Variants in ZSCAN21 observed in about 807,000 individuals in gnomAD.
ZSCAN21 encodes the protein zinc finger and SCAN domain containing 21, also known as zinc finger and SCAN domain-containing protein 21.
Under a neutral mutation model 35.6 loss-of-function variants are expected in ZSCAN21, and 26 were observed. The observed-to-expected ratio is 0.73, with a 90% CI of 0.54 to 1.01. The LOEUF is 1.01. Ranked by LOEUF, ZSCAN21 falls within the 50% of genes least tolerant of loss-of-function variation. ZSCAN21 has a pLI of 0.00. For synonymous variants in ZSCAN21, 219 were observed against 219.3 expected (o/e 1.00, Z 0.01); for missense variants, 593 against 587.1 (o/e 1.01, Z -0.10).
rs1271162396 is a variant in ZSCAN21 at position 100,064,375 on chromosome 7, G to A, written c.1180G>A (p.Gly394Arg). 6.2e-6 allele frequency: 10 copies of A among 1,614,018 alleles called. No individual in the cohort carries two copies. The highest frequency in any genetic ancestry group is 8.5e-6 in the Non-Finnish European group (10 of 1,180,042). ...GEKPYQCNECGKSFSQHAGLS... is the reference protein window; with the variant it reads ...GEKPYQCNECRKSFSQHAGLS... Reference sequence around the variant, plus strand: ...GAAGCCTTATCAGTGTAACGAATGTGGGAAGAGCTTCAGTCAGCATGCGGG... The same window carrying A: ...GAAGCCTTATCAGTGTAACGAATGTAGGAAGAGCTTCAGTCAGCATGCGGG... Residue 394 changes from glycine (G) to arginine (R), a missense_variant, in exon 4 of 4, where the codon GGG becomes AGG. By Grantham distance (125) the Gly-to-Arg change is moderately radical. Coordinates refer to ENST00000292450, the MANE Select transcript of ZSCAN21 (RefSeq NM_145914.3).
intron 1 of ZSCAN21, among the ~76,000 whole-genome samples, chr7:100,055,818 A>G (rs1450509836): frequency 6.8e-6 from 1 of 147,610 alleles, no homozygotes; most frequent in Non-Finnish European, 1.5e-5. Flanking sequence ...TTTTTTTTGT[A>G]TTTTTAGTAG....
At chr7:100,063,115 G>C (rs1792415789) in intron 3 of ZSCAN21, among the ~76,000 whole-genome samples, 1 of 152,150 alleles carries the variant, frequency 6.6e-6, no homozygotes. Context: ...AGCTGGTCTT[G>C]AACTCCCAGA....
At chr7:100,052,822 T>C (rs561139269) in intron 1 of ZSCAN21, among the ~76,000 whole-genome samples, 1 of 152,162 alleles carries the variant, frequency 6.6e-6, no homozygotes, top group Non-Finnish European at 1.5e-5. Context: ...ACATTTGAGT[T>C]GTGTGCACCG....
chr7:100,052,987 G>A (rs1291702798), intron 1 of ZSCAN21, among the ~76,000 whole-genome samples: 1 of 151,780 alleles, frequency 6.6e-6, no homozygotes, highest in Non-Finnish European at 1.5e-5. Flanking sequence ...AAATTAGCCG[G>A]GCATGGCACG....
In ZSCAN21 at chr7:100,064,665, A is replaced by G; in HGVS notation, c.*48A>G. On this transcript the variant is annotated 3_prime_UTR_variant, in exon 4 of 4. Coordinates refer to ENST00000292450, the MANE Select transcript of ZSCAN21 (RefSeq NM_145914.3). ...TCGTTGTTTTAAACTTTAGAATCTG[A>G]AAACCAGAAAGAAGTCTTGTCATTG... 1 of 1,602,638 alleles carries G rather than the reference A, an allele frequency of 6.2e-7. No individual in the cohort carries two copies. The highest frequency in any genetic ancestry group is 1.3e-5 in the African/African-American group (1 of 74,460).
At chr7:100,061,235 C>T (rs1792278810) in intron 3 of ZSCAN21, among the ~76,000 whole-genome samples, 1 of 151,860 alleles carries the variant, frequency 6.6e-6, no homozygotes, top group Non-Finnish European at 1.5e-5. Flanking sequence ...AAAATGTTAA[C>T]TTTTGGCTGG....
intron 3 of ZSCAN21, among the ~76,000 whole-genome samples, chr7:100,060,295 G>A (rs981858589): frequency 2.0e-5 from 3 of 152,112 alleles, no homozygotes; most frequent in African/African-American, 7.2e-5. Flanking sequence ...CAGACATGAT[G>A]GCTCACACCG....
At chr7:100,062,236 G>T (rs1209374796) in intron 3 of ZSCAN21, among the ~76,000 whole-genome samples, 7 of 150,464 alleles carry the variant, frequency 4.7e-5, no homozygotes, top group Non-Finnish European at 2.9e-5. Flanking sequence ...TGGCCCTGCA[G>T]CAGTCATTCT....
At chr7:100,060,641 C>A (rs1449403474) in intron 3 of ZSCAN21, among the ~76,000 whole-genome samples, 1 of 149,972 alleles carries the variant, frequency 6.7e-6, no homozygotes, top group African/African-American at 2.5e-5. Flanking sequence ...CTGAGGCAGG[C>A]GGATCACCTG....
chr7:100,064,988 C>G lies in ZSCAN21; in HGVS notation c.*371C>G. On this transcript the variant is annotated 3_prime_UTR_variant, in exon 4 of 4. Transcript: ENST00000292450. ...GAATTTTAATTTGTAAAGAATTGAG[C>G]CACATTGAACACAATTGAATGAGAT... 1 of 1,553,996 alleles carries G rather than the reference C, an allele frequency of 6.4e-7. No homozygotes were observed. Among genetic ancestry groups the G allele is most frequent in the Non-Finnish European group, 8.8e-7 (1 of 1,134,920 alleles).
chr7:100,051,507 A>C (rs1791879493), intron 1 of ZSCAN21: 1 of 151,562 alleles, frequency 6.6e-6, no homozygotes, highest in Admixed American at 6.6e-5. Flanking sequence ...TGTTAGCCAG[A>C]ATGGTCTCGA....
Position 100,056,970 on chromosome 7 carries a change from G to C in ZSCAN21, c.-37G>C. The C allele has an allele frequency of 6.5e-7, 1 of 1,534,270 alleles. No homozygotes were observed. Among genetic ancestry groups the C allele is most frequent in the East Asian group, 2.3e-5 (1 of 44,068 alleles). On this transcript the variant is annotated 5_prime_UTR_variant, in exon 2 of 4. Transcript: ENST00000292450. ...AAGGAACGAATATTCCTGCCCCACA[G>C]AGTCCCATCTTTGGTGAGGCTGTTT... is the stretch of plus-strand genomic sequence containing the variant.
intron 3 of ZSCAN21, among the ~76,000 whole-genome samples, chr7:100,059,786 C>A (rs965504769): frequency 6.6e-6 from 1 of 151,538 alleles, no homozygotes; most frequent in African/African-American, 2.4e-5. Context: ...ATCGGCTCAC[C>A]GCAACCTCCG....
At chr7:100,053,118 T>C (rs1584369265) in intron 1 of ZSCAN21, among the ~76,000 whole-genome samples, 1 of 137,148 alleles carries the variant, frequency 7.3e-6, no homozygotes, top group African/African-American at 2.8e-5. Flanking sequence ...GGAGTGAGAC[T>C]CCATCTCAAA....
Position 100,059,196 on chromosome 7 carries a change from CAG to C in ZSCAN21, c.592+1309_592+1310del, listed in dbSNP as rs961565045. ...GAAACGTGAAACTCCATCATGGAAA[CAG>C]AGTTTCGAGCCGGTTAAAAATCACA... On this transcript the variant is annotated intron_variant, in intron 3 of 3. Coordinates refer to ENST00000292450, the MANE Select transcript of ZSCAN21 (RefSeq NM_145914.3). Among the ~76,000 whole-genome samples the C allele has an allele frequency of 2.6e-4, 40 of 152,246 alleles. 1 individual carries two copies. The highest frequency in any genetic ancestry group is 9.4e-4 in the African/African-American group (39 of 41,538).
intron 1 of ZSCAN21, among the ~76,000 whole-genome samples, chr7:100,050,757 G>A (rs1791829659): frequency 6.6e-6 from 1 of 152,108 alleles, no homozygotes; most frequent in East Asian, 1.9e-4. Flanking sequence ...GAAATCTAAG[G>A]AACAGTTGAG....
chr7:100,064,674 A>T lies in ZSCAN21; in HGVS notation c.*57A>T. Reference sequence around the variant, plus strand: ...TAAACTTTAGAATCTGAAAACCAGAAAGAAGTCTTGTCATTGCAGCAGCAT... The same window carrying T: ...TAAACTTTAGAATCTGAAAACCAGATAGAAGTCTTGTCATTGCAGCAGCAT... On this transcript the variant is annotated 3_prime_UTR_variant, in exon 4 of 4. Coordinates refer to ENST00000292450, the MANE Select transcript of ZSCAN21 (RefSeq NM_145914.3). The T allele has an allele frequency of 1.9e-6, 3 of 1,603,786 alleles. No individual in the cohort carries two copies. The highest frequency in any genetic ancestry group is 2.6e-6 in the Non-Finnish European group (3 of 1,174,048).
chr7:100,060,702 A>G (rs531503410), intron 3 of ZSCAN21, among the ~76,000 whole-genome samples: 2 of 150,796 alleles, frequency 1.3e-5, no homozygotes, highest in African/African-American at 2.4e-5. Context: ...CTCCATCTCA[A>G]CCGGGCATGG....
intron 1 of ZSCAN21, chr7:100,051,401 C>A (rs1255467571): frequency 7.1e-6 from 1 of 141,274 alleles, no homozygotes; most frequent in Non-Finnish European, 1.5e-5. Context: ...TCTAGCCATT[C>A]TCCTGCCTCA....
Sources: gnomAD v4.1 joint callset for allele counts (sites outside exome capture counted in the v4.1 genomes callset) on GRCh38, gnomAD v4.1.1 for gene constraint, MANE v1.5 for transcripts, NCBI Gene and HGNC (gene_info 2026-07-23, HGNC 2026-07-21) for gene names.